Variants in NRG1 observed in about 807,000 individuals in gnomAD.
NRG1 encodes neuregulin 1.
Under a neutral mutation model 63.8 loss-of-function variants are expected in NRG1, and 18 were observed. The observed-to-expected ratio is 0.28, with a 90% CI of 0.19 to 0.42. The LOEUF is 0.42. Among genes scored for constraint, NRG1 ranks in the 10% least tolerant of loss-of-function variants. The pLI, the probability that NRG1 is intolerant of heterozygous loss-of-function variation, is 1.00. For synonymous variants in NRG1, 302 were observed against 301.3 expected, an observed-to-expected ratio of 1.00 and a Z score of -0.02; for missense variants, 762 against 814.7, an observed-to-expected ratio of 0.94 and a Z score of 0.79.
chr8:32,727,210 C>A (rs1822427501), intron 5 of NRG1, among the ~76,000 whole-genome samples: 1 of 152,112 alleles, frequency 6.6e-6, no homozygotes, highest in Non-Finnish European at 1.5e-5. Context: ...GTGTTGCAAA[C>A]CAAACTTGAA....
intron 1 of NRG1, among the ~76,000 whole-genome samples, chr8:32,561,251 T>C (rs1836338658): frequency 6.6e-6 from 1 of 152,194 alleles, no homozygotes; most frequent in Non-Finnish European, 1.5e-5. Context: ...TTATTATGCT[T>C]CCAGATAAGA....
exon 1 of NRG1, chr8:31,639,363 A>C (rs1158518804): frequency 6.5e-6 from 10 of 1,533,448 alleles, no homozygotes; most frequent in Non-Finnish European, 8.7e-6. Context: ...AGGAGGACCC[A>C]CTCGCGGGTC....
At chr8:31,688,369 T>G (rs1470220151) in intron 1 of NRG1, among the ~76,000 whole-genome samples, 18 of 152,162 alleles carry the variant, frequency 1.2e-4, no homozygotes, top group Admixed American at 1.2e-3. Flanking sequence ...CGAAACGCAG[T>G]GAGAAGGAAC....
rs554031715 is a variant in NRG1 at position 32,284,588 on chromosome 8, C to T, written c.38-311240C>T. Among the ~76,000 whole-genome samples the T allele has an allele frequency of 2.0e-5, 3 of 151,394 alleles. No homozygotes were observed. In the East Asian group the frequency reaches 5.9e-4, roughly 30 times the overall value. Reference sequence around the variant, plus strand: ...CTCTGTCACCCAGGCTAGAGTGCAGCGGTATAATCAAGGCTCACAGCAGCC... The same window carrying T: ...CTCTGTCACCCAGGCTAGAGTGCAGTGGTATAATCAAGGCTCACAGCAGCC... On this transcript the variant is annotated intron_variant, in intron 1 of 10. Coordinates refer to the NRG1 transcript ENST00000519301.
chr8:32,199,059 C>A (rs538527494), intron 1 of NRG1, among the ~76,000 whole-genome samples: 1 of 152,056 alleles, frequency 6.6e-6, no homozygotes, highest in Non-Finnish European at 1.5e-5. Context: ...TTATTTTGAA[C>A]AATCTTTTAT....
chr8:32,739,506 G>A (rs1459871094), intron 6 of NRG1, among the ~76,000 whole-genome samples: 2 of 152,134 alleles, frequency 1.3e-5, no homozygotes, highest in Admixed American at 6.5e-5. Context: ...TCTGGTGTTA[G>A]TGCACCCAGT....
chr8:32,407,273 TA>T lies in NRG1; in HGVS notation c.38-188554del, dbSNP rs59756754. On this transcript the variant is annotated intron_variant, in intron 1 of 10. Coordinates refer to the NRG1 transcript ENST00000519301. Reference sequence around the variant, plus strand: ...ATATATATGTGTGTGTGTATATATATATTATATATATATATATATATTATAT... The same window carrying T: ...ATATATATGTGTGTGTGTATATATATTTATATATATATATATATATTATAT... Among the ~76,000 whole-genome samples the T allele has an allele frequency of 4.2e-3, 221 of 52,728 alleles. 2 individuals are homozygous for T. The highest frequency in any genetic ancestry group is 0.011 in the African/African-American group (159 of 15,136). 34.6% of individuals were successfully genotyped at this position (52,728 alleles called of 152,430 possible).
chr8:31,894,547 TTTTTTC>T (rs1220360047), intron 1 of NRG1, among the ~76,000 whole-genome samples: 3 of 62,180 alleles, frequency 4.8e-5, no homozygotes, highest in African/African-American at 2.9e-4. Context: ...TATTTCTTTC[TTTTTTC>T]TTTTTTTTTT....
chr8:32,095,614 GAATA>G (rs1240704747), intron 1 of NRG1, among the ~76,000 whole-genome samples: 51 of 152,234 alleles, frequency 3.4e-4, no homozygotes, highest in Admixed American at 3.3e-3. Flanking sequence ...ATTTGGGAAA[GAATA>G]AATAACTCTA....
At chr8:32,355,431 C>G (rs1234344624) in intron 1 of NRG1, among the ~76,000 whole-genome samples, 8 of 152,006 alleles carry the variant, frequency 5.3e-5, no homozygotes, top group African/African-American at 9.7e-5. Context: ...TGCACTCCAG[C>G]CTGGGTGACA....
chr8:32,137,157 A>G (rs1405552659), intron 1 of NRG1, among the ~76,000 whole-genome samples: 4 of 152,136 alleles, frequency 2.6e-5, no homozygotes, highest in Non-Finnish European at 5.9e-5. Context: ...TAATATAAAG[A>G]CATTATGGCC....
intron 1 of NRG1, among the ~76,000 whole-genome samples, chr8:31,823,400 G>A (rs188892561): frequency 6.6e-6 from 1 of 151,968 alleles, no homozygotes; most frequent in African/African-American, 2.4e-5. Context: ...TGCTAAAATT[G>A]TGTGAACTAT....
intron 1 of NRG1, among the ~76,000 whole-genome samples, chr8:32,042,421 G>C (rs1820208905): frequency 6.6e-6 from 1 of 151,946 alleles, no homozygotes; most frequent in South Asian, 2.1e-4. Context: ...ACTCCAGCTT[G>C]GGTGATAGAG....
Position 31,640,296 on chromosome 8 carries a change from G to T in NRG1, c.37+865G>T. The T allele has an allele frequency of 6.2e-6, 7 of 1,132,770 alleles. No homozygotes were observed. The highest frequency in any genetic ancestry group is 6.5e-6 in the Non-Finnish European group (6 of 924,974). 70.2% of individuals were successfully genotyped at this position (1,132,770 alleles called of 1,614,324 possible). The stretch of plus-strand genomic sequence containing the variant: ...CACTCGACAGGAAGGCGGCGGCGGC[G>T]GCGGGCGAGGCAGGGGCGTGGGGCG... On this transcript the variant is annotated intron_variant, in intron 1 of 10. Transcript: ENST00000519301. The surrounding 1 kb of genome is among the most constrained non-coding windows in gnomAD (Gnocchi z 6.3).
At chr8:31,997,822 C>G (rs951721517) in intron 1 of NRG1, among the ~76,000 whole-genome samples, 1 of 151,946 alleles carries the variant, frequency 6.6e-6, no homozygotes, top group Non-Finnish European at 1.5e-5. Flanking sequence ...CATGTGTTAC[C>G]TAATTCAATC....
chr8:31,751,044 C>G (rs1816408266), intron 1 of NRG1, among the ~76,000 whole-genome samples: 1 of 151,906 alleles, frequency 6.6e-6, no homozygotes, highest in Non-Finnish European at 1.5e-5. Flanking sequence ...AAGAAAGGGT[C>G]ATTCTGTTTT....
intron 1 of NRG1, among the ~76,000 whole-genome samples, chr8:32,326,129 C>G (rs1304326718): frequency 6.6e-6 from 1 of 151,820 alleles, no homozygotes; most frequent in Non-Finnish European, 1.5e-5. Flanking sequence ...CCTGCCTCAG[C>G]CTCCTGAGTA....
chr8:31,984,311 C>T (rs895956884), intron 1 of NRG1, among the ~76,000 whole-genome samples: 7 of 152,020 alleles, frequency 4.6e-5, no homozygotes, highest in African/African-American at 1.7e-4. Context: ...GCATCTTTTC[C>T]TTAAGCCCCC....
At chr8:32,648,389 G>A in intron 5 of NRG1, 1 of 1,612,766 alleles carries the variant, frequency 6.2e-7, no homozygotes, top group Non-Finnish European at 8.5e-7. Flanking sequence ...AACTTTGTAA[G>A]TAGAGAGAGA....
Sources: gnomAD v4.1 joint callset for allele counts (sites outside exome capture counted in the v4.1 genomes callset) on GRCh38, gnomAD v4.1.1 for gene constraint, Gnocchi (gnomAD v3.1) non-coding constraint, MANE v1.5 for transcripts, NCBI Gene and HGNC (gene_info 2026-07-23, HGNC 2026-07-21) for gene names.